Variants in ERBB4 observed in about 807,000 individuals in gnomAD.
ERBB4 encodes erb-b2 receptor tyrosine kinase 4, also known as receptor tyrosine-protein kinase erbB-4.
ERBB4 carries 42 observed loss-of-function variants against 158.0 expected under a neutral mutation model. The observed-to-expected ratio is 0.27, with a 90% CI of 0.21 to 0.34. The LOEUF (loss-of-function observed/expected upper bound fraction) is 0.34, where lower values mean the gene tolerates loss of function less well. ERBB4 is among the 10% of genes least tolerant of loss of function. ERBB4 has a pLI of 1.00. For synonymous variants in ERBB4, 583 were observed against 558.7 expected, an observed-to-expected ratio of 1.04 and a Z score of -0.61; for missense variants, 1,333 against 1,624.1, an observed-to-expected ratio of 0.82 and a Z score of 3.08.
intron 1 of ERBB4, among the ~76,000 whole-genome samples, chr2:212,387,993 C>T (rs754274786): frequency 1.3e-5 from 2 of 151,914 alleles, no homozygotes; most frequent in African/African-American, 2.4e-5. Context: ...GAAGTAATAT[C>T]AGTATTAGAA....
At chr2:211,891,928 C>A (rs2078979655) in intron 3 of ERBB4, among the ~76,000 whole-genome samples, 1 of 136,860 alleles carries the variant, frequency 7.3e-6, no homozygotes, top group Non-Finnish European at 1.6e-5. Flanking sequence ...GTTTACCAAC[C>A]AAAAAGAGTC....
intron 1 of ERBB4, among the ~76,000 whole-genome samples, chr2:212,243,220 C>T (rs1315148230): frequency 2.0e-5 from 3 of 152,030 alleles, no homozygotes; most frequent in Non-Finnish European, 2.9e-5. Flanking sequence ...TTAAGGGCAG[C>T]GACCAGATTG....
chr2:212,135,861 A>G (rs1213156324), intron 1 of ERBB4, among the ~76,000 whole-genome samples: 3 of 152,220 alleles, frequency 2.0e-5, no homozygotes, highest in Non-Finnish European at 2.9e-5. Flanking sequence ...GGCTTGCCAA[A>G]TTAGTCATCT....
intron 2 of ERBB4, among the ~76,000 whole-genome samples, chr2:212,052,326 T>C (rs1051883114): frequency 3.9e-5 from 6 of 152,210 alleles, no homozygotes; most frequent in East Asian, 1.9e-4. Context: ...AGCTGCACTG[T>C]TGGCTTCCCT....
chr2:212,111,732 C>T (rs940124241), intron 2 of ERBB4, among the ~76,000 whole-genome samples: 1 of 151,898 alleles, frequency 6.6e-6, no homozygotes, highest in African/African-American at 2.4e-5. Context: ...TATTAATTAA[C>T]TCACAACCCT....
At chr2:211,458,817 C>G (rs1471601230) in intron 20 of ERBB4, among the ~76,000 whole-genome samples, 3 of 152,106 alleles carry the variant, frequency 2.0e-5, no homozygotes, top group African/African-American at 7.2e-5. Context: ...CAATGAAATC[C>G]TTCAGCCATC....
chr2:211,453,955 C>T (rs1040649522), intron 20 of ERBB4, among the ~76,000 whole-genome samples: 5 of 152,094 alleles, frequency 3.3e-5, no homozygotes, highest in African/African-American at 1.2e-4. Context: ...TATATATTGT[C>T]ATAAATGGAG....
intron 3 of ERBB4, among the ~76,000 whole-genome samples, chr2:211,808,182 T>C (rs1265012374): frequency 6.6e-6 from 1 of 152,234 alleles, no homozygotes; most frequent in Non-Finnish European, 1.5e-5. Flanking sequence ...TTTGGTGTTT[T>C]AGACATGAAG....
At chr2:211,967,916 A>T (rs2081348428) in intron 2 of ERBB4, among the ~76,000 whole-genome samples, 1 of 151,980 alleles carries the variant, frequency 6.6e-6, no homozygotes, top group Admixed American at 6.6e-5. Context: ...GAATACGATT[A>T]TGTCTTTTCT....
chr2:212,269,849 G>A (rs1313117538), intron 1 of ERBB4, among the ~76,000 whole-genome samples: 1 of 151,688 alleles, frequency 6.6e-6, no homozygotes, highest in African/African-American at 2.4e-5. Flanking sequence ...CTGCTGGTAG[G>A]TACACTCCTT....
intron 2 of ERBB4, among the ~76,000 whole-genome samples, chr2:212,122,057 ATAT>A (rs986518796): frequency 1.2e-4 from 17 of 140,362 alleles, no homozygotes; most frequent in Admixed American, 7.2e-5. Flanking sequence ...ATATATATAT[ATAT>A]GTATATAAAC....
intron 16 of ERBB4, among the ~76,000 whole-genome samples, chr2:211,653,768 A>G (rs1315749385): frequency 6.6e-6 from 1 of 151,986 alleles, no homozygotes; most frequent in Non-Finnish European, 1.5e-5. Flanking sequence ...TCTGCCTCCC[A>G]GGTTCAAGAG....
intron 1 of ERBB4, among the ~76,000 whole-genome samples, chr2:212,327,314 G>T (rs1186243329): frequency 6.6e-6 from 1 of 151,966 alleles, no homozygotes; most frequent in Non-Finnish European, 1.5e-5. Flanking sequence ...AGTAAATTAT[G>T]AATTACAAAG....
chr2:212,498,163 G>A, intron 1 of ERBB4, among the ~76,000 whole-genome samples: 1 of 151,832 alleles, frequency 6.6e-6, no homozygotes, highest in Non-Finnish European at 1.5e-5. Context: ...TACACAATGG[G>A]ATTTTTGATG....
intron 20 of ERBB4, among the ~76,000 whole-genome samples, chr2:211,497,459 A>G (rs1187324840): frequency 2.6e-5 from 4 of 151,982 alleles, no homozygotes; most frequent in Non-Finnish European, 5.9e-5. Flanking sequence ...GTTGAATTAC[A>G]TATCTACTTG....
chr2:211,908,043 GAA>G (rs112792994), intron 3 of ERBB4, among the ~76,000 whole-genome samples: 1 of 149,674 alleles, frequency 6.7e-6, no homozygotes, highest in Non-Finnish European at 1.5e-5. Context: ...TGGAGCACTG[GAA>G]AAAAAAACAT....
In ERBB4 at chr2:211,378,985, T is replaced by A. The variant is rs1423687240; in HGVS notation, c.*4630A>T. 3 of 231,758 alleles carry A rather than the reference T, an allele frequency of 1.3e-5. No homozygotes were observed. Among genetic ancestry groups the A allele is most frequent in the African/African-American group, 2.2e-5 (1 of 45,228 alleles). 14.4% of individuals were successfully genotyped at this position (231,758 alleles called of 1,614,324 possible). A position where few individuals can be genotyped will look rare whatever the true frequency, so the allele number is the denominator to read the frequency against. ...TAGAAGTTAATTTATCTGGTTTTTTTAACAACTAGAAGCTGATGCACATGG... is the reference window on the plus strand; with the variant it reads ...TAGAAGTTAATTTATCTGGTTTTTTAAACAACTAGAAGCTGATGCACATGG... On this transcript the variant is annotated 3_prime_UTR_variant, in exon 28 of 28. Transcript: ENST00000342788.
intron 20 of ERBB4, among the ~76,000 whole-genome samples, chr2:211,491,313 T>C (rs562193144): frequency 6.6e-6 from 1 of 151,996 alleles, no homozygotes; most frequent in African/African-American, 2.4e-5. Flanking sequence ...TCTAGGGAGA[T>C]GAAGTAACAA....
chr2:212,172,048 T>C (rs1321538338), intron 1 of ERBB4, among the ~76,000 whole-genome samples: 8 of 152,010 alleles, frequency 5.3e-5, no homozygotes, highest in African/African-American at 1.7e-4. Context: ...ACCTAGCATC[T>C]CTAAGGAATT....
Sources: gnomAD v4.1 joint callset for allele counts (sites outside exome capture counted in the v4.1 genomes callset) on GRCh38, gnomAD v4.1.1 for gene constraint, MANE v1.5 for transcripts, NCBI Gene and HGNC (gene_info 2026-07-23, HGNC 2026-07-21) for gene names.